Variants in TXNRD2 observed in about 807,000 individuals in gnomAD.
TXNRD2 encodes thioredoxin reductase 2.
Under a neutral mutation model 70.8 loss-of-function variants are expected in TXNRD2, and 67 were observed. That is an observed-to-expected ratio of 0.95 (90% CI 0.78 to 1.16). The LOEUF is 1.16. Among genes scored for constraint, TXNRD2 ranks in the 50% most tolerant of loss-of-function variants. TXNRD2 has a pLI of 0.00. For synonymous variants in TXNRD2, 301 were observed against 295.8 expected (o/e 1.02, Z -0.18); for missense variants, 644 against 719.9 (o/e 0.89, Z 1.21).
chr22:19,933,360 G>C, intron 1 of TXNRD2: 1 of 1,066,646 alleles, frequency 9.4e-7, no homozygotes. Flanking sequence ...CGGGGAGCAT[G>C]AACCTGCTGA....
intron 10 of TXNRD2, among the ~76,000 whole-genome samples, chr22:19,897,402 C>T (rs1939558221): frequency 6.6e-6 from 1 of 152,206 alleles, no homozygotes; most frequent in African/African-American, 2.4e-5. Context: ...ATGACAACTC[C>T]AGACTTCTAT....
intron 8 of TXNRD2, among the ~76,000 whole-genome samples, chr22:19,910,352 T>C (rs145060352): frequency 4.5e-4 from 69 of 152,298 alleles, no homozygotes; most frequent in African/African-American, 1.6e-3. Flanking sequence ...GGAAACCCAA[T>C]GTACAAATCA....
At chr22:19,905,424 C>T (rs892333116) in intron 8 of TXNRD2, among the ~76,000 whole-genome samples, 1 of 152,154 alleles carries the variant, frequency 6.6e-6, no homozygotes, top group African/African-American at 2.4e-5. Context: ...GAGCCAGCTG[C>T]CCCCAGCACA....
At chr22:19,926,175 A>AG (rs1569109069) in intron 2 of TXNRD2, among the ~76,000 whole-genome samples, 1 of 150,546 alleles carries the variant, frequency 6.6e-6, no homozygotes, top group African/African-American at 2.4e-5. Context: ...AAAAAAAAAA[A>AG]AAAGAAAGAA....
At chr22:19,915,320 T>C (rs1270680813) in intron 6 of TXNRD2, 44 bp from the exon 7 acceptor site, 2 of 1,594,188 alleles carry the variant, frequency 1.3e-6, no homozygotes, top group Non-Finnish European at 1.7e-6. Flanking sequence ...AGGTGCATGG[T>C]GATCACCCCA....
chr22:19,881,551 A>C (rs1056868830), intron 12 of TXNRD2, among the ~76,000 whole-genome samples: 24 of 152,228 alleles, frequency 1.6e-4, no homozygotes, highest in African/African-American at 5.3e-4. Context: ...TTAATGTTTA[A>C]ATAAAGAATG....
At chr22:19,915,303 G>T (rs777008608) in intron 6 of TXNRD2, 27 bp from the exon 7 acceptor site, 10 of 1,608,146 alleles carry the variant, frequency 6.2e-6, no homozygotes, top group Non-Finnish European at 8.5e-6. Context: ...AAAGCCGTGG[G>T]TCAGACAGGT....
At chr22:19,914,782 A>G (rs1210725426) in intron 7 of TXNRD2, 1 of 281,616 alleles carries the variant, frequency 3.6e-6, no homozygotes, top group African/African-American at 2.2e-5. Flanking sequence ...GTACCCTAAA[A>G]AAGGCTAAAT....
At chr22:19,932,139 A>C (rs4626020) in intron 1 of TXNRD2, among the ~76,000 whole-genome samples, 32,112 of 141,820 alleles carry the variant, frequency 0.23, 4,140 homozygotes, top group African/African-American at 0.35. Context: ...CCAGCCTGGG[A>C]GACAGAGTGA....
intron 2 of TXNRD2, among the ~76,000 whole-genome samples, chr22:19,930,109 C>G (rs1941303006): frequency 6.6e-6 from 1 of 152,152 alleles, no homozygotes; most frequent in South Asian, 2.1e-4. Context: ...GGCACTGATC[C>G]TGGGTGCCTC....
intron 7 of TXNRD2, among the ~76,000 whole-genome samples, chr22:19,914,648 G>A (rs1033619528): frequency 6.6e-6 from 1 of 152,018 alleles, no homozygotes; most frequent in Non-Finnish European, 1.5e-5. Flanking sequence ...TGGGGGAGGA[G>A]GCGCTGGGGA....
chr22:19,900,368 C>A (rs1420583762), intron 8 of TXNRD2, among the ~76,000 whole-genome samples: 1 of 152,146 alleles, frequency 6.6e-6, no homozygotes, highest in East Asian at 1.9e-4. Context: ...ACATACACAT[C>A]TCTACACGGA....
intron 2 of TXNRD2, among the ~76,000 whole-genome samples, chr22:19,922,659 A>G (rs912304063): frequency 1.3e-5 from 2 of 152,050 alleles, no homozygotes; most frequent in Non-Finnish European, 2.9e-5. Context: ...TACTTTTCAC[A>G]GCTACAGACT....
At chr22:19,932,209 T>C in intron 1 of TXNRD2, 1 of 1,052,272 alleles carries the variant, frequency 9.5e-7, no homozygotes, top group Non-Finnish European at 1.4e-6. Context: ...CCCCTGTCCC[T>C]CACAGCTGGC....
At chr22:19,891,290 C>G (rs1939252531) in intron 11 of TXNRD2, 1 of 152,320 alleles carries the variant, frequency 6.6e-6, no homozygotes, top group Non-Finnish European at 1.5e-5. Context: ...AGCTGCCTGG[C>G]TGTGGGACCC....
chr22:19,936,509 C>T (rs371381801), intron 1 of TXNRD2, among the ~76,000 whole-genome samples: 2 of 152,132 alleles, frequency 1.3e-5, no homozygotes, highest in Admixed American at 6.5e-5. Flanking sequence ...CAGTCTTTGC[C>T]TCCGGAGCCA....
chr22:19,909,902 CCA>C (rs1940314529), intron 8 of TXNRD2, among the ~76,000 whole-genome samples: 1 of 95,114 alleles, frequency 1.1e-5, no homozygotes, highest in African/African-American at 4.2e-5. Flanking sequence ...CACACACACA[CCA>C]CACACCCACA....
intron 14 of TXNRD2, 50 bp from the exon 15 acceptor site, chr22:19,878,487 G>C (rs1041288613): frequency 6.5e-7 from 1 of 1,540,086 alleles, no homozygotes; most frequent in Admixed American, 1.7e-5. Flanking sequence ...AACAAACCTC[G>C]TGGCACCTGC....
chr22:19,880,293 G>T (rs758918268), intron 13 of TXNRD2, 22 bp from the exon 14 acceptor site: 4 of 1,612,112 alleles, frequency 2.5e-6, no homozygotes, highest in Non-Finnish European at 3.4e-6. Context: ...TCTGGAGTCA[G>T]GGAGGGCCCT....
Sources: gnomAD v4.1 joint callset for allele counts (sites outside exome capture counted in the v4.1 genomes callset) on GRCh38, gnomAD v4.1.1 for gene constraint, MANE v1.5 for transcripts, NCBI Gene and HGNC (gene_info 2026-07-23, HGNC 2026-07-21) for gene names.